The following GPC5 variants were observed in gnomAD, a reference collection of about 807,000 sequenced individuals.
GPC5 encodes the protein glypican-5.
In GPC5, 47 loss-of-function variants were observed where a neutral mutation model predicts 53.9. That is an observed-to-expected ratio of 0.87 (90% CI 0.69 to 1.11). The LOEUF (loss-of-function observed/expected upper bound fraction) is 1.11. Among genes scored for constraint, GPC5 ranks in the 50% most tolerant of loss-of-function variants. The pLI, the probability that GPC5 is intolerant of heterozygous loss-of-function variation, is 0.00. For missense variants in GPC5, 748 were observed against 713.1 expected (o/e 1.05, Z -0.56); for synonymous variants, 286 against 263.3 (o/e 1.09, Z -0.84).
At chr13:91,726,005 C>T (rs1223666706) in intron 3 of GPC5, among the ~76,000 whole-genome samples, 1 of 152,182 alleles carries the variant, frequency 6.6e-6, no homozygotes, top group Non-Finnish European at 1.5e-5. Flanking sequence ...CACTTAAAAC[C>T]ACTGTCAACT....
At position 91,602,185 on chromosome 13, in the gene GPC5, C is replaced by T. The variant is rs73603965; in HGVS notation, c.326-91002C>T. On this transcript the variant is annotated intron_variant, in intron 2 of 7. Coordinates refer to ENST00000377067, the MANE Select transcript of GPC5 (RefSeq NM_004466.6). ...AATCTTTGTGTGTCCAGCACCGTTC[C>T]GGGCTTTGCGAGCACCTGACACAGA... Among the ~76,000 whole-genome samples the T allele has an allele frequency of 4.5e-3, 689 of 152,302 alleles. 4 individuals carry two copies. The highest frequency in any genetic ancestry group is 0.016 in the African/African-American group (662 of 41,560).
At chr13:92,121,415 C>T (rs748210583) in intron 6 of GPC5, among the ~76,000 whole-genome samples, 1 of 152,236 alleles carries the variant, frequency 6.6e-6, no homozygotes, top group Non-Finnish European at 1.5e-5. Context: ...TCAGGTCTAA[C>T]TGTCATTCAG....
At chr13:91,994,001 A>G (rs2040481356) in intron 6 of GPC5, among the ~76,000 whole-genome samples, 1 of 152,182 alleles carries the variant, frequency 6.6e-6, no homozygotes, top group Admixed American at 6.5e-5. Context: ...TCCCAAAAGC[A>G]ATTTTATAGT....
intron 7 of GPC5, among the ~76,000 whole-genome samples, chr13:92,445,294 A>ATTT (rs954784630): frequency 1.6e-5 from 2 of 123,100 alleles, no homozygotes; most frequent in Middle Eastern, 4.6e-3. Context: ...TCTTTTTGTG[A>ATTT]TTTTTTTTGT....
At chr13:92,127,551 C>T (rs2041709212) in intron 6 of GPC5, among the ~76,000 whole-genome samples, 1 of 152,012 alleles carries the variant, frequency 6.6e-6, no homozygotes, top group African/African-American at 2.4e-5. Context: ...AGGATTCAAT[C>T]GATTAAATAT....
At chr13:91,752,028 TG>T (rs1408879940) in intron 4 of GPC5, among the ~76,000 whole-genome samples, 1 of 152,158 alleles carries the variant, frequency 6.6e-6, no homozygotes, top group Non-Finnish European at 1.5e-5. Context: ...TTGGCAGGTT[TG>T]GTTTCTGCAG....
At chr13:91,492,494 T>C (rs1883993206) in intron 2 of GPC5, among the ~76,000 whole-genome samples, 2 of 152,140 alleles carry the variant, frequency 1.3e-5, no homozygotes, top group South Asian at 4.1e-4. Flanking sequence ...CTAGGAGTAC[T>C]GATGTCTGAC....
At chr13:92,843,983 A>G (rs1297475521) in intron 7 of GPC5, among the ~76,000 whole-genome samples, 1 of 151,460 alleles carries the variant, frequency 6.6e-6, no homozygotes, top group African/African-American at 2.4e-5. Flanking sequence ...TGTGATTCAA[A>G]TAATCATGAT....
At chr13:92,603,599 G>C (rs1460416288) in intron 7 of GPC5, among the ~76,000 whole-genome samples, 4 of 152,156 alleles carry the variant, frequency 2.6e-5, no homozygotes, top group Non-Finnish European at 4.4e-5. Flanking sequence ...GGAATATTAT[G>C]GGCTGGATAG....
chr13:92,690,617 C>T (rs1380883389), intron 7 of GPC5, among the ~76,000 whole-genome samples: 77 of 145,290 alleles, frequency 5.3e-4, no homozygotes, highest in African/African-American at 1.9e-3. Flanking sequence ...TGAGGAACTG[C>T]GTTCCTTTGG....
chr13:92,130,637 G>A (rs1307688463), intron 6 of GPC5, among the ~76,000 whole-genome samples: 1 of 151,970 alleles, frequency 6.6e-6, no homozygotes, highest in Non-Finnish European at 1.5e-5. Context: ...AATTTATAAG[G>A]AATATTCGCC....
At chr13:92,457,269 C>T (rs1439527839) in intron 7 of GPC5, among the ~76,000 whole-genome samples, 1 of 152,066 alleles carries the variant, frequency 6.6e-6, no homozygotes, top group Non-Finnish European at 1.5e-5. Flanking sequence ...AGGTTGATTC[C>T]ATGTCTTTGC....
chr13:91,672,018 G>A (rs914306904), intron 2 of GPC5, among the ~76,000 whole-genome samples: 1 of 152,084 alleles, frequency 6.6e-6, no homozygotes, highest in African/African-American at 2.4e-5. Context: ...AGTAAATGGT[G>A]CTGGGAAAAC....
rs1273352965 is a variant in GPC5, at chr13:92,867,131, C to T, written c.*692C>T. On this transcript the variant is annotated 3_prime_UTR_variant, in exon 8 of 8. Transcript: ENST00000377067. ...TTCAAAATGCATCTTTGGTATTGTG[C>T]CTCTGCTCCCATCTCTCTCTTTGCC... 1 of 152,012 alleles carries T rather than the reference C, an allele frequency of 6.6e-6. No homozygotes were observed. The highest frequency in any genetic ancestry group is 2.4e-5 in the African/African-American group (1 of 41,392). 9.4% of individuals were successfully genotyped at this position (152,012 alleles called of 1,614,324 possible).
intron 2 of GPC5, among the ~76,000 whole-genome samples, chr13:91,559,603 T>C (rs898006461): frequency 6.6e-6 from 1 of 152,158 alleles, no homozygotes; most frequent in African/African-American, 2.4e-5. Flanking sequence ...TTGGAATGTG[T>C]ACATATACTT....
intron 6 of GPC5, among the ~76,000 whole-genome samples, chr13:91,967,406 A>G (rs949463962): frequency 2.0e-5 from 3 of 152,206 alleles, no homozygotes; most frequent in Admixed American, 6.5e-5. Flanking sequence ...TTAGTATTAT[A>G]AAAGTAAAAT....
intron 7 of GPC5, among the ~76,000 whole-genome samples, chr13:92,728,585 C>T (rs897248717): frequency 5.1e-5 from 7 of 136,776 alleles, no homozygotes; most frequent in Admixed American, 1.6e-4. Flanking sequence ...TCTAGGAAAA[C>T]GGGGGTAGGA....
intron 7 of GPC5, among the ~76,000 whole-genome samples, chr13:92,494,034 C>T (rs1879866346): frequency 6.7e-6 from 1 of 149,258 alleles, no homozygotes; most frequent in South Asian, 2.1e-4. Flanking sequence ...GGACACTGGA[C>T]ATTAAAAGAA....
intron 7 of GPC5, among the ~76,000 whole-genome samples, chr13:92,426,318 C>T (rs1310692383): frequency 6.6e-6 from 1 of 152,072 alleles, no homozygotes; most frequent in East Asian, 1.9e-4. Flanking sequence ...ACCCTTTCTA[C>T]AGCCAACTCT....
Sources: allele counts gnomAD v4.1 joint callset (sites outside exome capture counted in the v4.1 genomes callset), GRCh38; gene constraint gnomAD v4.1.1; transcripts MANE v1.5; gene names NCBI Gene and HGNC (gene_info 2026-07-23, HGNC 2026-07-21).